Variants in FAM200B observed in about 807,000 individuals in gnomAD.
FAM200B encodes protein FAM200B.
FAM200B carries 32 observed loss-of-function variants against 33.1 expected under a neutral mutation model. The ratio of observed to expected loss-of-function variants is 0.97; its 90% CI spans 0.73 to 1.30. The LOEUF is 1.30. Ranked by LOEUF, FAM200B falls within the 50% of genes most tolerant of loss-of-function variation. FAM200B has a pLI of 0.00. For missense variants in FAM200B, 741 were observed against 754.0 expected, an observed-to-expected ratio of 0.98 and a Z score of 0.20; for synonymous variants, 240 against 264.8, an observed-to-expected ratio of 0.91 and a Z score of 0.91.
the FAM200B span, among the ~76,000 whole-genome samples, chr4:15,669,049 C>T: frequency 2.8e-4 from 42 of 152,166 alleles, no homozygotes; most frequent in African/African-American, 9.2e-4. Flanking sequence ...TCGGTTAGTA[C>T]AGGATACACC....
chr4:15,683,624 A>T (rs1310225662), intron 1 of FAM200B, among the ~76,000 whole-genome samples: 3 of 152,296 alleles, frequency 2.0e-5, no homozygotes, highest in Non-Finnish European at 4.4e-5. Context: ...TTTAGGTTCT[A>T]AGCTTTAAAA....
chr4:15,644,579 G>A, the FAM200B span: 2 of 1,614,016 alleles, frequency 1.2e-6, no homozygotes, highest in Non-Finnish European at 1.7e-6. Context: ...GTCTGGCTGC[G>A]TTGTTGAAGC....
At chr4:15,651,078 A>C in the FAM200B span, among the ~76,000 whole-genome samples, 2 of 152,210 alleles carry the variant, frequency 1.3e-5, no homozygotes, top group Non-Finnish European at 2.9e-5. Flanking sequence ...AAAAACACAT[A>C]TATTATTCCC....
chr4:15,679,562 CAAAAAAAAAA>C (rs1202369624), upstream of FAM200B, among the ~76,000 whole-genome samples: 1 of 94,406 alleles, frequency 1.1e-5, no homozygotes, highest in Non-Finnish European at 2.3e-5. Context: ...AGTTCAGGAA[CAAAAAAAAAA>C]AAAAACAAAA....
the FAM200B span, among the ~76,000 whole-genome samples, chr4:15,669,541 A>T: frequency 1.3e-5 from 2 of 152,198 alleles, no homozygotes; most frequent in African/African-American, 4.8e-5. Context: ...TCAAAAAAAA[A>T]TGCTTTATGA....
the FAM200B span, among the ~76,000 whole-genome samples, chr4:15,647,351 A>AT: frequency 3.3e-5 from 5 of 152,074 alleles, no homozygotes; most frequent in Non-Finnish European, 7.4e-5. Flanking sequence ...TAATCTAAAG[A>AT]TGATTTAAAG....
At chr4:15,639,165 C>T in the FAM200B span, among the ~76,000 whole-genome samples, 1 of 152,134 alleles carries the variant, frequency 6.6e-6, no homozygotes, top group African/African-American at 2.4e-5. Flanking sequence ...ACTCTGTCTC[C>T]AGAAAAATAA....
At chr4:15,681,635 GA>G (rs964904257), upstream of FAM200B, 18 of 152,622 alleles carry the variant, frequency 1.2e-4, no homozygotes, top group African/African-American at 4.1e-4. Flanking sequence ...GCGAGAGGCG[GA>G]AATCCCGCGA....
chr4:15,653,838 G>C, the FAM200B span, among the ~76,000 whole-genome samples: 14 of 152,180 alleles, frequency 9.2e-5, no homozygotes, highest in Admixed American at 2.6e-4. Flanking sequence ...CACTCAAATG[G>C]AGAGCTTTAA....
rs1304249353 is a variant in FAM200B, at chr4:15,689,638, G to A, written c.*687G>A. ...AAAATATTTTAAAAATAAGTCAGGT[G>A]TGGTGGTGCACACCTATAGTCCCAG... On this transcript the variant is annotated 3_prime_UTR_variant, in exon 2 of 2. Transcript: ENST00000422728. 6.3e-6 allele frequency: 1 copy of A among 158,226 alleles called. No individual in the cohort carries two copies. Among genetic ancestry groups the A allele is most frequent in the Non-Finnish European group, 1.5e-5 (1 of 68,074 alleles). The allele number at this position is 158,226 out of a possible 1,614,324, so 9.8% of individuals were successfully genotyped here.
upstream of FAM200B, among the ~76,000 whole-genome samples, chr4:15,679,902 G>GA (rs535093298): frequency 1.8e-4 from 28 of 152,216 alleles, no homozygotes; most frequent in Middle Eastern, 3.4e-3. Context: ...ATTCTTTTCA[G>GA]AATCTGACAG....
At position 15,687,324 on chromosome 4, in the gene FAM200B, A is replaced by G. The variant is rs754645672; in HGVS notation, c.347A>G (p.Asp116Gly). ...HLETQHAELI[D>G]KPLEYFQRKK... ...GAAACTCAGCATGCTGAACTTATTG[A>G]TAAGCCTCTTGAATATTTTCAAAGA... Residue 116 changes from aspartate (D) to glycine (G), a missense_variant, in exon 2 of 2, where the codon GAT becomes GGT. Coordinates refer to ENST00000422728, the MANE Select transcript of FAM200B (RefSeq NM_001145191.2). The G allele has an allele frequency of 1.8e-5, 28 of 1,546,170 alleles. No individual in the cohort carries two copies. The highest frequency in any genetic ancestry group is 2.7e-5 in the African/African-American group (2 of 72,782).
chr4:15,664,077 A>T, the FAM200B span, among the ~76,000 whole-genome samples: 1 of 152,238 alleles, frequency 6.6e-6, no homozygotes, highest in Non-Finnish European at 1.5e-5. Context: ...CCAAGATTCA[A>T]ACTTAGGCAG....
chr4:15,676,968 T>G (rs1335598300), upstream of FAM200B, among the ~76,000 whole-genome samples: 2 of 152,196 alleles, frequency 1.3e-5, no homozygotes, highest in South Asian at 2.1e-4. Flanking sequence ...AAATGATATG[T>G]TCTATATTTA....
Position 15,687,531 on chromosome 4 carries a change from A to T in FAM200B, c.554A>T (p.Asp185Val), listed in dbSNP as rs1484187188. 1 of 1,550,736 alleles carries T rather than the reference A, an allele frequency of 6.4e-7. No individual in the cohort carries two copies. The highest frequency in any genetic ancestry group is 2.4e-5 in the East Asian group (1 of 40,878). The change falls in exon 2 of 2, where the codon GAT becomes GTT. Residue 185 changes from aspartate to valine, a missense_variant. Asp to Val is a radical substitution (Grantham distance 152). Coordinates refer to ENST00000422728, the MANE Select transcript of FAM200B (RefSeq NM_001145191.2). ...CLDMVRTIFD[D>V]KSADKLKTIP... ...GATATGGTGCGTACAATATTTGATG[A>T]TAAATCAGCTGATAAATTAAAAACT...
chr4:15,639,566 A>T, the FAM200B span, among the ~76,000 whole-genome samples: 1 of 152,210 alleles, frequency 6.6e-6, no homozygotes, highest in Non-Finnish European at 1.5e-5. Flanking sequence ...CAATTTACAG[A>T]ATTAGAATCT....
the FAM200B span, among the ~76,000 whole-genome samples, chr4:15,666,736 G>A: frequency 6.6e-6 from 1 of 152,102 alleles, no homozygotes; most frequent in South Asian, 2.1e-4. Context: ...GGAGGCTGAG[G>A]CTTGAGCCTG....
the FAM200B span, among the ~76,000 whole-genome samples, chr4:15,643,865 C>A: frequency 2.0e-5 from 3 of 152,202 alleles, no homozygotes; most frequent in African/African-American, 7.2e-5. Flanking sequence ...ATAATTAAAA[C>A]TTCGACTTAC....
chr4:15,644,787 A>G, the FAM200B span: 3 of 1,023,960 alleles, frequency 2.9e-6, no homozygotes, highest in Non-Finnish European at 4.3e-6. Context: ...ATACATCCCT[A>G]TTCACTTTTG....
Sources: allele counts gnomAD v4.1 joint callset (sites outside exome capture counted in the v4.1 genomes callset), GRCh38; gene constraint gnomAD v4.1.1; transcripts MANE v1.5; gene names NCBI Gene and HGNC (gene_info 2026-07-23, HGNC 2026-07-21).